NRG1: variants seen among roughly 807,000 people sequenced by gnomAD.
NRG1 encodes the protein pro-neuregulin-1, membrane-bound isoform.
Under a neutral mutation model 63.8 loss-of-function variants are expected in NRG1, and 18 were observed. That is an observed-to-expected ratio of 0.28 (90% CI 0.19 to 0.42). NRG1 has a LOEUF of 0.42. Among genes scored for constraint, NRG1 ranks in the 10% least tolerant of loss-of-function variants. The pLI, the probability that NRG1 is intolerant of heterozygous loss-of-function variation, is 1.00. For synonymous variants in NRG1, 302 were observed against 301.3 expected (o/e 1.00, Z -0.02); for missense variants, 762 against 814.7 (o/e 0.94, Z 0.79).
intron 1 of NRG1, among the ~76,000 whole-genome samples, chr8:32,038,229 G>C (rs1250832171): frequency 6.6e-6 from 1 of 152,134 alleles, no homozygotes; most frequent in African/African-American, 2.4e-5. Flanking sequence ...GGCTCAGAGA[G>C]GGAGCACCTT....
chr8:32,189,885 G>A (rs563605295), intron 1 of NRG1, among the ~76,000 whole-genome samples: 3 of 152,070 alleles, frequency 2.0e-5, no homozygotes, highest in African/African-American at 7.2e-5. Flanking sequence ...GTTATAGAAG[G>A]ATCTAGTAGA....
intron 1 of NRG1, among the ~76,000 whole-genome samples, chr8:32,340,663 T>G (rs1803959891): frequency 6.6e-6 from 1 of 152,194 alleles, no homozygotes; most frequent in African/African-American, 2.4e-5. Context: ...TCAGTATCAT[T>G]ATCTCCATAT....
intron 1 of NRG1, among the ~76,000 whole-genome samples, chr8:31,850,574 C>A (rs528735800): frequency 2.6e-5 from 4 of 152,292 alleles, no homozygotes; most frequent in Admixed American, 2.6e-4. Flanking sequence ...CTGCTGATCC[C>A]TTTTTCTTGC....
Position 32,477,498 on chromosome 8 carries a change from C to T in NRG1, c.38-118330C>T, listed in dbSNP as rs190997843. Among the ~76,000 whole-genome samples, 57 of 152,222 alleles carry T rather than the reference C, an allele frequency of 3.7e-4. No homozygotes were observed. The East Asian group carries it at 9.3e-3, about 25-fold the overall frequency. On this transcript the variant is annotated intron_variant, in intron 1 of 10. Transcript: ENST00000519301. ...TTTAGATTTTCATATATTAATGTCA[C>T]GAATCAGATGATAGGAAGGTATATT... is the stretch of plus-strand genomic sequence containing the variant.
chr8:32,242,699 A>G (rs1316245446), intron 1 of NRG1, among the ~76,000 whole-genome samples: 1 of 152,206 alleles, frequency 6.6e-6, no homozygotes, highest in Non-Finnish European at 1.5e-5. Flanking sequence ...GTAAATAGCC[A>G]TGATAATCTT....
chr8:31,896,887 C>T (rs1831622371), intron 1 of NRG1, among the ~76,000 whole-genome samples: 1 of 152,194 alleles, frequency 6.6e-6, no homozygotes, highest in Non-Finnish European at 1.5e-5. Context: ...CTTTGCTTAA[C>T]TGTCTTCCTT....
chr8:32,576,108 TC>T (rs1839583663), intron 1 of NRG1, among the ~76,000 whole-genome samples: 1 of 152,228 alleles, frequency 6.6e-6, no homozygotes, highest in Non-Finnish European at 1.5e-5. Flanking sequence ...CGTGTCATCA[TC>T]TCACATACCA....
intron 1 of NRG1, among the ~76,000 whole-genome samples, chr8:32,578,148 C>A (rs1374248219): frequency 6.6e-6 from 1 of 152,066 alleles, no homozygotes; most frequent in Non-Finnish European, 1.5e-5. Context: ...GCACCTGCCA[C>A]CACGCCCGGA....
chr8:32,190,034 C>T (rs1041513092), intron 1 of NRG1, among the ~76,000 whole-genome samples: 2 of 152,142 alleles, frequency 1.3e-5, no homozygotes, highest in African/African-American at 2.4e-5. Flanking sequence ...CGAAGTAAAT[C>T]AGTTGGGAAG....
intron 1 of NRG1, among the ~76,000 whole-genome samples, chr8:31,989,164 T>C (rs1479860382): frequency 2.2e-5 from 3 of 139,034 alleles, no homozygotes; most frequent in African/African-American, 5.3e-5. Flanking sequence ...GGAGAATCAG[T>C]TGAACCCAGG....
intron 1 of NRG1, among the ~76,000 whole-genome samples, chr8:31,747,213 G>T (rs1586114290): frequency 6.6e-6 from 1 of 151,938 alleles, no homozygotes; most frequent in East Asian, 1.9e-4. Context: ...TTGAGGGGAT[G>T]GATACCCCAT....
chr8:32,366,886 T>C (rs1160772482), intron 1 of NRG1, among the ~76,000 whole-genome samples: 1 of 151,676 alleles, frequency 6.6e-6, no homozygotes, highest in African/African-American at 2.4e-5. Context: ...AATTTTTGCA[T>C]TTTTTAGTAG....
At chr8:32,129,980 A>G (rs887056005) in intron 1 of NRG1, among the ~76,000 whole-genome samples, 4 of 151,990 alleles carry the variant, frequency 2.6e-5, no homozygotes, top group Admixed American at 2.6e-4. Context: ...CTAAATTATG[A>G]TAATCCATCA....
At chr8:32,319,696 A>C (rs1801153022) in intron 1 of NRG1, among the ~76,000 whole-genome samples, 1 of 152,176 alleles carries the variant, frequency 6.6e-6, no homozygotes, top group South Asian at 2.1e-4. Context: ...AAAATTATGG[A>C]AATTATTATA....
chr8:32,411,916 C>G (rs968368315), intron 1 of NRG1, among the ~76,000 whole-genome samples: 2 of 152,114 alleles, frequency 1.3e-5, no homozygotes, highest in Non-Finnish European at 2.9e-5. Context: ...GGGGACCATG[C>G]GTACTCTGAT....
intron 1 of NRG1, among the ~76,000 whole-genome samples, chr8:32,050,629 G>T (rs747870130): frequency 6.6e-6 from 1 of 151,982 alleles, no homozygotes; most frequent in African/African-American, 2.4e-5. Flanking sequence ...CTGCTAAGAA[G>T]AAAACTGTAT....
chr8:32,154,181 A>G (rs1384229182), intron 1 of NRG1, among the ~76,000 whole-genome samples: 2 of 152,164 alleles, frequency 1.3e-5, no homozygotes, highest in Non-Finnish European at 2.9e-5. Flanking sequence ...GCAAGCTCTG[A>G]ACCAAGTGAC....
intron 6 of NRG1, among the ~76,000 whole-genome samples, chr8:32,730,812 G>A (rs1200461345): frequency 1.3e-5 from 2 of 152,112 alleles, no homozygotes; most frequent in African/African-American, 2.4e-5. Context: ...TTTGTTATAT[G>A]GGGAAACCTT....
chr8:32,345,896 T>A (rs571232845), intron 1 of NRG1, among the ~76,000 whole-genome samples: 1 of 151,718 alleles, frequency 6.6e-6, no homozygotes, highest in South Asian at 2.1e-4. Flanking sequence ...TAATCCCAGG[T>A]AGTTGAGAGG....
Sources: gnomAD v4.1 joint callset for allele counts (sites outside exome capture counted in the v4.1 genomes callset) on GRCh38, gnomAD v4.1.1 for gene constraint, MANE v1.5 for transcripts, NCBI Gene and HGNC (gene_info 2026-07-23, HGNC 2026-07-21) for gene names.